Variants in RIPOR1 observed in about 807,000 individuals in gnomAD.
RIPOR1 encodes RHO family interacting cell polarization regulator 1.
RIPOR1 carries 58 observed loss-of-function variants against 116.5 expected under a neutral mutation model. That is an observed-to-expected ratio of 0.50 (90% CI 0.40 to 0.62). The LOEUF is 0.62. Among genes scored for constraint, RIPOR1 ranks in the 20% least tolerant of loss-of-function variants. RIPOR1 has a pLI of 0.00. For missense variants in RIPOR1, 1,372 were observed against 1,586.2 expected (o/e 0.86, Z 2.29); for synonymous variants, 605 against 650.0 (o/e 0.93, Z 1.05).
rs2050593305 is a variant in RIPOR1, at chr16:67,529,358, C to G, written c.-24+444C>G. On this transcript the variant is annotated intron_variant, in intron 1 of 21. Coordinates refer to ENST00000042381, the MANE Select transcript of RIPOR1 (RefSeq NM_024519.4). The surrounding 1 kb of genome is among the most constrained non-coding windows in gnomAD (Gnocchi z 4.1). Reference sequence around the variant, plus strand: ...CCGGCCTAGGAGCTGAGCTAATCCTCCTAGCTCTAGGGGCCGGCCTAAGCG... The same window carrying G: ...CCGGCCTAGGAGCTGAGCTAATCCTGCTAGCTCTAGGGGCCGGCCTAAGCG... The G allele has an allele frequency of 6.0e-6, 1 of 166,270 alleles. No individual in the cohort carries two copies. The highest frequency in any genetic ancestry group is 1.3e-5 in the Non-Finnish European group (1 of 76,766). The allele number at this position is 166,270 out of a possible 1,614,324, so 10.3% of individuals were successfully genotyped here.
Position 67,545,574 on chromosome 16 carries a change from T to A in RIPOR1, c.3190+40T>A, listed in dbSNP as rs1391252115. On this transcript the variant is annotated intron_variant, in intron 18 of 21. Coordinates refer to ENST00000042381, the MANE Select transcript of RIPOR1 (RefSeq NM_024519.4). The surrounding 1 kb of genome is among the most constrained non-coding windows in gnomAD (Gnocchi z 4.8). ...CTGATCACATAGTGGCCTCTTGGGG[T>A]CTGAGGACATGAGGACAAGCCCTCC... 1 of 1,608,604 alleles carries A rather than the reference T, an allele frequency of 6.2e-7. No individual in the cohort carries two copies. Among genetic ancestry groups the A allele is most frequent in the Admixed American group, 1.7e-5 (1 of 59,596 alleles).
intron 1 of RIPOR1, among the ~76,000 whole-genome samples, chr16:67,520,933 A>C (rs899665837): frequency 6.6e-5 from 10 of 152,224 alleles, no homozygotes; most frequent in African/African-American, 2.4e-4. Flanking sequence ...AGGACGCTTC[A>C]GAAGATGGGG....
rs746688966 is a variant in RIPOR1, at chr16:67,545,797, G to A, written c.3324G>A (p.Lys1108=). 1.2e-6 allele frequency: 2 copies of A among 1,612,544 alleles called. No individual in the cohort carries two copies. The highest frequency in any genetic ancestry group is 8.5e-7 in the Non-Finnish European group (1 of 1,179,252). ...LSSLLVHGNN[K]VMAAVSTQLR... ...CCCTGCTCGTCCATGGCAACAACAAGGTCATGGCTGCTGTCAGCACCCAGC... is the reference window on the plus strand; with the variant it reads ...CCCTGCTCGTCCATGGCAACAACAAAGTCATGGCTGCTGTCAGCACCCAGC... Residue 1108 remains lysine, a synonymous_variant, in exon 19 of 22, where the codon AAG becomes AAA. Coordinates refer to ENST00000042381, the MANE Select transcript of RIPOR1 (RefSeq NM_024519.4). The surrounding 1 kb of genome is among the most constrained non-coding windows in gnomAD (Gnocchi z 4.8).
rs915654344 is a variant in RIPOR1, at chr16:67,529,570, G to A, written c.-24+656G>A. ...CTCTCTGCAGAACTGGTTTGGGCAA[G>A]GGGCTGCTCACCAGGGCTAGAGGTC... On this transcript the variant is annotated intron_variant, in intron 1 of 21. Transcript: ENST00000042381. The surrounding 1 kb of genome is among the most constrained non-coding windows in gnomAD (Gnocchi z 4.1). 10 of 561,572 alleles carry A rather than the reference G, an allele frequency of 1.8e-5. No homozygotes were observed. The highest frequency in any genetic ancestry group is 2.8e-5 in the Non-Finnish European group (9 of 316,628). The allele number at this position is 561,572 out of a possible 1,614,324, so 34.8% of individuals were successfully genotyped here.
upstream of RIPOR1, chr16:67,528,733 G>A (rs1375722156): frequency 6.6e-6 from 1 of 151,858 alleles, no homozygotes; most frequent in Non-Finnish European, 1.5e-5. Context: ...GCGCCTCTAG[G>A]GGTGCGGGAG....
chr16:67,521,345 A>G (rs1207903455), intron 1 of RIPOR1, among the ~76,000 whole-genome samples: 1 of 151,922 alleles, frequency 6.6e-6, no homozygotes, highest in African/African-American at 2.4e-5. Flanking sequence ...GGGACGGGGG[A>G]ATTTCCAGAT....
upstream of RIPOR1, among the ~76,000 whole-genome samples, chr16:67,527,829 C>T (rs2050558379): frequency 2.0e-5 from 3 of 147,286 alleles, no homozygotes; most frequent in African/African-American, 5.1e-5. Context: ...GCATTCCAGC[C>T]TGGGCGACAG....
intron 1 of RIPOR1, among the ~76,000 whole-genome samples, chr16:67,522,272 G>A (rs769658118): frequency 7.3e-6 from 1 of 137,866 alleles, no homozygotes; most frequent in African/African-American, 2.8e-5. Context: ...GCGCGATCTC[G>A]GCTCACTGAA....
upstream of RIPOR1, among the ~76,000 whole-genome samples, chr16:67,524,808 C>G (rs1024516096): frequency 1.3e-5 from 2 of 152,254 alleles, no homozygotes; most frequent in African/African-American, 4.8e-5. Context: ...GGCCCCTACC[C>G]TGGCCCAGGC....
intron 1 of RIPOR1, chr16:67,538,032 G>C (rs892327486): frequency 1.9e-5 from 4 of 210,996 alleles, no homozygotes; most frequent in Non-Finnish European, 3.7e-5. Context: ...GTGCCCTGGG[G>C]GGGGAAATCG....
upstream of RIPOR1, among the ~76,000 whole-genome samples, chr16:67,527,907 C>A (rs1379812303): frequency 6.7e-6 from 1 of 149,324 alleles, no homozygotes; most frequent in Admixed American, 6.6e-5. Context: ...AAGCAAAACA[C>A]ACAAAAAAAC....
intron 1 of RIPOR1, among the ~76,000 whole-genome samples, chr16:67,519,435 G>A (rs543500008): frequency 6.6e-6 from 1 of 152,272 alleles, no homozygotes; most frequent in East Asian, 1.9e-4. Flanking sequence ...GTGGGGAAGT[G>A]AGGAGAGACA....
At chr16:67,524,200 T>C (rs2050521874), upstream of RIPOR1, among the ~76,000 whole-genome samples, 1 of 152,240 alleles carries the variant, frequency 6.6e-6, no homozygotes, top group African/African-American at 2.4e-5. Context: ...GAAATGGCTC[T>C]AGGAGAAGCC....
At position 67,542,880 on chromosome 16, in the gene RIPOR1, C is replaced by G; in HGVS notation, c.2094C>G (p.Leu698=). 6.2e-7 allele frequency: 1 copy of G among 1,613,058 alleles called. No homozygotes were observed. Among genetic ancestry groups the G allele is most frequent in the Non-Finnish European group, 8.5e-7 (1 of 1,179,414 alleles). Residue 698 remains leucine, a synonymous_variant, in exon 13 of 22, where the codon CTC becomes CTG. Transcript: ENST00000042381. This position sits in a 1 kb window ranked among gnomAD's most constrained non-coding sequence, Gnocchi z 4.6. ...CCTCCAAACACTCAGACCCCACCCT[C>G]CCAGGCACTGACTCCCTTCCCTGTA... is the stretch of plus-strand genomic sequence containing the variant. ...SSPSKHSDPT[L]PGTDSLPCSP...
In RIPOR1 at chr16:67,530,571, G is replaced by A. The variant is rs910584241; in HGVS notation, c.-24+1657G>A. Among the ~76,000 whole-genome samples the A allele has an allele frequency of 2.6e-5, 4 of 152,218 alleles. No homozygotes were observed. Among genetic ancestry groups the A allele is most frequent in the African/African-American group, 7.2e-5 (3 of 41,472 alleles). On this transcript the variant is annotated intron_variant, in intron 1 of 21. Transcript: ENST00000042381. This position sits in a 1 kb window ranked among gnomAD's most constrained non-coding sequence, Gnocchi z 4.5. Reference sequence around the variant, plus strand: ...CCCGGGGTGGGGCGGGGCTAGACCCGGGGACTCCCAGAGAGGCAGCTGGCC... The same window carrying A: ...CCCGGGGTGGGGCGGGGCTAGACCCAGGGACTCCCAGAGAGGCAGCTGGCC...
At position 67,537,962 on chromosome 16, in the gene RIPOR1, T is replaced by G; in HGVS notation, c.-23-462T>G. 1 of 204,120 alleles carries G rather than the reference T, an allele frequency of 4.9e-6. No homozygotes were observed. The highest frequency in any genetic ancestry group is 9.7e-6 in the Non-Finnish European group (1 of 103,526). 12.6% of individuals were successfully genotyped at this position (204,120 alleles called of 1,614,324 possible). ...GGGCAGCTCCGCAGGGCTCCGAGCGTGGCCCCGCCCCGCCCCGTGACCTCC... is the reference window on the plus strand; with the variant it reads ...GGGCAGCTCCGCAGGGCTCCGAGCGGGGCCCCGCCCCGCCCCGTGACCTCC... On this transcript the variant is annotated intron_variant, in intron 1 of 21. Transcript: ENST00000042381. The surrounding 1 kb of genome is among the most constrained non-coding windows in gnomAD (Gnocchi z 4.6).
chr16:67,529,695 C>G lies in RIPOR1; in HGVS notation c.-24+781C>G. On this transcript the variant is annotated intron_variant, in intron 1 of 21. Transcript: ENST00000042381. The surrounding 1 kb of genome is among the most constrained non-coding windows in gnomAD (Gnocchi z 4.1). ...CTCCCCAGCCAGTTCTAACGTGTGT[C>G]CAGGCTGGCCGCCCCAGCACCTACT... 2 of 1,464,062 alleles carry G rather than the reference C, an allele frequency of 1.4e-6. No individual in the cohort carries two copies. Among genetic ancestry groups the G allele is most frequent in the Non-Finnish European group, 1.8e-6 (2 of 1,092,908 alleles). The allele number at this position is 1,464,062 out of a possible 1,614,324, so 90.7% of individuals were successfully genotyped here. A position where few individuals can be genotyped will look rare whatever the true frequency, so the allele number is the denominator to read the frequency against.
At chr16:67,546,322 G>T (rs1184775359) in intron 21 of RIPOR1, 44 bp from the exon 22 acceptor site, 3 of 1,608,670 alleles carry the variant, frequency 1.9e-6, no homozygotes, top group Admixed American at 3.3e-5. Flanking sequence ...GGGAGAGTGG[G>T]ATGGGGCTAG....
chr16:67,520,062 CAAAAAAAA>C (rs796368368), intron 1 of RIPOR1, among the ~76,000 whole-genome samples: 4 of 46,022 alleles, frequency 8.7e-5, no homozygotes, highest in Non-Finnish European at 2.3e-4. Flanking sequence ...AACTCCGTCT[CAAAAAAAA>C]AAAAAAAAAA....
Sources: allele counts gnomAD v4.1 joint callset (sites outside exome capture counted in the v4.1 genomes callset), GRCh38; gene constraint gnomAD v4.1.1; non-coding constraint Gnocchi (gnomAD v3.1); transcripts MANE v1.5; gene names NCBI Gene and HGNC (gene_info 2026-07-23, HGNC 2026-07-21).